Variants in RPS6KA2 observed in about 807,000 individuals in gnomAD.
RPS6KA2 encodes ribosomal protein S6 kinase alpha-2.
In RPS6KA2, 42 loss-of-function variants were observed where a neutral mutation model predicts 91.8. The ratio of observed to expected loss-of-function variants is 0.46; its 90% confidence interval spans 0.36 to 0.59. The LOEUF (loss-of-function observed/expected upper bound fraction) is 0.59. Among genes scored for constraint, RPS6KA2 ranks in the 20% least tolerant of loss-of-function variants. RPS6KA2 has a pLI of 0.00. For missense variants in RPS6KA2, 798 were observed against 978.5 expected (o/e 0.82, Z 2.46); for synonymous variants, 414 against 393.6 (o/e 1.05, Z -0.61).
chr6:166,778,595 G>A (rs369195606), intron 2 of RPS6KA2, among the ~76,000 whole-genome samples: 3 of 152,126 alleles, frequency 2.0e-5, no homozygotes, highest in Admixed American at 1.3e-4. Context: ...GCGAAACCCC[G>A]TCTCTACTAA....
intron 2 of RPS6KA2, among the ~76,000 whole-genome samples, chr6:166,708,674 G>A (rs1789761113): frequency 6.6e-6 from 1 of 152,192 alleles, no homozygotes; most frequent in African/African-American, 2.4e-5. Flanking sequence ...ACCAGGCAGT[G>A]CACACTGCTA....
Position 166,702,425 on chromosome 6 carries a change from GC to G in RPS6KA2, c.123+155774del, listed in dbSNP as rs1583033075. 2.5e-3 allele frequency: 54 copies of G among 21,722 alleles called. No individual in the cohort carries two copies. In the East Asian group the frequency reaches 0.24, roughly 98 times the overall value. 1.3% of individuals were successfully genotyped at this position (21,722 alleles called of 1,614,324 possible). A position where few individuals can be genotyped will look rare whatever the true frequency, so the allele number is the denominator to read the frequency against. On this transcript the variant is annotated intron_variant, in intron 2 of 21. Transcript: ENST00000503859. ...CTGAAATCCATTCAGTTTGTCTAGT[GC>G]TTGTCTAGCGCTTGTCTAGCTTGGT... is the stretch of plus-strand genomic sequence containing the variant.
Position 166,508,330 on chromosome 6 carries a change from T to G in RPS6KA2, c.380-48A>C. 1 of 1,233,266 alleles carries G rather than the reference T, an allele frequency of 8.1e-7. No homozygotes were observed. The highest frequency in any genetic ancestry group is 1.2e-6 in the Non-Finnish European group (1 of 835,298). The allele number at this position is 1,233,266 out of a possible 1,614,324, so 76.4% of individuals were successfully genotyped here. A position where few individuals can be genotyped will look rare whatever the true frequency, so the allele number is the denominator to read the frequency against. On this transcript the variant is annotated intron_variant, in intron 4 of 20. Coordinates refer to ENST00000265678, the MANE Select transcript of RPS6KA2 (RefSeq NM_021135.6). This position sits in a 1 kb window ranked among gnomAD's most constrained non-coding sequence, Gnocchi z 4.3. ...TTTTGACAGCTTGTCGAATGTCCTG[T>G]GGCAACATCGCTCTCTGGCTTCTCC...
At position 166,517,455 on chromosome 6, in the gene RPS6KA2, G is replaced by GTT. The variant is rs71032809; in HGVS notation, c.299-7100_299-7099dup. 1.5e-3 allele frequency among the ~76,000 whole-genome samples: 157 copies of GTT among 104,866 alleles called. 2 individuals carry two copies. The highest frequency in any genetic ancestry group is 1.8e-3 in the African/African-American group (40 of 22,492). 68.8% of individuals were successfully genotyped at this position (104,866 alleles called of 152,430 possible). A position where few individuals can be genotyped will look rare whatever the true frequency, so the allele number is the denominator to read the frequency against. On this transcript the variant is annotated intron_variant, in intron 3 of 20. Transcript: ENST00000265678. ...ACCACTTAAGGCGTTCTTTTGTTTT[G>GTT]TTTTTTTTTTTTTTTTTTTTTTTTT...
intron 2 of RPS6KA2, among the ~76,000 whole-genome samples, chr6:166,824,498 C>A (rs1200843456): frequency 6.6e-6 from 1 of 152,162 alleles, no homozygotes; most frequent in Non-Finnish European, 1.5e-5. Context: ...TTAATCCGAC[C>A]CTAAGTCAAA....
chr6:166,653,758 C>T (rs58833489), intron 2 of RPS6KA2, among the ~76,000 whole-genome samples: 112 of 152,310 alleles, frequency 7.4e-4, no homozygotes, highest in African/African-American at 2.5e-3. Flanking sequence ...TCCCTGGTTA[C>T]AGGACAGAAG....
At chr6:166,438,057 C>T (rs574663421) in intron 14 of RPS6KA2, among the ~76,000 whole-genome samples, 20 of 152,080 alleles carry the variant, frequency 1.3e-4, no homozygotes, top group African/African-American at 1.2e-4. Flanking sequence ...CTTGAGTTGC[C>T]GAAAGGATCA....
At chr6:166,749,835 C>T (rs535063157) in intron 2 of RPS6KA2, among the ~76,000 whole-genome samples, 2 of 149,604 alleles carry the variant, frequency 1.3e-5, no homozygotes, top group African/African-American at 5.0e-5. Context: ...GGAGCTGCAG[C>T]GGGAGCCTGG....
intron 11 of RPS6KA2, among the ~76,000 whole-genome samples, chr6:166,469,316 C>T (rs559550020): frequency 1.3e-3 from 188 of 143,932 alleles, no homozygotes; most frequent in Non-Finnish European, 2.0e-3. Flanking sequence ...TCCAACAACT[C>T]GGCACTGTTG....
intron 1 of RPS6KA2, among the ~76,000 whole-genome samples, chr6:166,552,652 T>C (rs1001490734): frequency 6.6e-6 from 1 of 152,204 alleles, no homozygotes; most frequent in Non-Finnish European, 1.5e-5. Flanking sequence ...ACTTCAGTGA[T>C]GGAGGAGACA....
At chr6:166,803,583 G>A (rs1305615854) in intron 2 of RPS6KA2, among the ~76,000 whole-genome samples, 1 of 152,184 alleles carries the variant, frequency 6.6e-6, no homozygotes, top group East Asian at 1.9e-4. Context: ...TTAAACTACT[G>A]GCCTCTGCCA....
chr6:166,783,075 T>G (rs1218953182), intron 2 of RPS6KA2, among the ~76,000 whole-genome samples: 12 of 146,016 alleles, frequency 8.2e-5, no homozygotes, highest in African/African-American at 2.8e-4. Flanking sequence ...ATTATTATTA[T>G]TATTATTATT....
At position 166,432,465 on chromosome 6, in the gene RPS6KA2, G is replaced by C; in HGVS notation, c.1358C>G (p.Pro453Arg). 6.2e-7 allele frequency: 1 copy of C among 1,613,230 alleles called. No homozygotes were observed. Among genetic ancestry groups the C allele is most frequent in the East Asian group, 2.2e-5 (1 of 44,870 alleles). Residue 453 changes from proline to arginine, a missense_variant, in exon 15 of 21, where the codon CCC becomes CGC. Pro to Arg is a moderately radical substitution (Grantham distance 103, BLOSUM62 -2). Coordinates refer to ENST00000265678, the MANE Select transcript of RPS6KA2 (RefSeq NM_021135.6). ...VKIIDKSKRD[P>R]SEEIEILLRY... ...CAGGAGGATCTCAATCTCTTCCGAG[G>C]GGTCTCTCTTGCTCTTATCAATGAT...
At chr6:166,427,599 C>G (rs979059756) in intron 16 of RPS6KA2, among the ~76,000 whole-genome samples, 5 of 152,224 alleles carry the variant, frequency 3.3e-5, no homozygotes, top group Non-Finnish European at 7.3e-5. Flanking sequence ...GCAACTTCAG[C>G]AAAGTCTCAG....
chr6:166,503,249 T>G (rs571757828), intron 6 of RPS6KA2, among the ~76,000 whole-genome samples: 10 of 152,368 alleles, frequency 6.6e-5, no homozygotes, highest in Non-Finnish European at 1.2e-4. Flanking sequence ...CATGTGTGCC[T>G]GTGGCGTTCC....
intron 2 of RPS6KA2, among the ~76,000 whole-genome samples, chr6:166,774,647 C>G (rs1778566021): frequency 1.3e-5 from 2 of 152,128 alleles, no homozygotes; most frequent in South Asian, 4.1e-4. Flanking sequence ...CCCAATTTCC[C>G]TGTTTGTACA....
intron 2 of RPS6KA2, among the ~76,000 whole-genome samples, chr6:166,696,404 C>T (rs1302747737): frequency 6.6e-6 from 1 of 152,182 alleles, no homozygotes; most frequent in Non-Finnish European, 1.5e-5. Context: ...GACTTACCTT[C>T]TGAGCTTCAG....
At chr6:166,631,624 G>C (rs1191442853), upstream of RPS6KA2, among the ~76,000 whole-genome samples, 3 of 152,236 alleles carry the variant, frequency 2.0e-5, no homozygotes, top group South Asian at 6.2e-4. Context: ...TAACTTTCCT[G>C]GTAACACAGA....
rs1393233075 is a variant in RPS6KA2, at chr6:166,459,334, A to C, written c.1075+115T>G. ...AACAAAAAACCCAAACAGAATGGAC[A>C]GTTATTTTCCATGAAAAGAATTCTG... is the stretch of plus-strand genomic sequence containing the variant. On this transcript the variant is annotated intron_variant, in intron 12 of 20. Transcript: ENST00000265678. The surrounding 1 kb of genome is among the most constrained non-coding windows in gnomAD (Gnocchi z 4.9). 5 of 660,410 alleles carry C rather than the reference A, an allele frequency of 7.6e-6. No homozygotes were observed. In the South Asian group the frequency reaches 9.4e-5, roughly 12 times the overall value. 40.9% of individuals were successfully genotyped at this position (660,410 alleles called of 1,614,324 possible).
Sources: gnomAD v4.1 joint callset for allele counts (sites outside exome capture counted in the v4.1 genomes callset) on GRCh38, gnomAD v4.1.1 for gene constraint, Gnocchi (gnomAD v3.1) non-coding constraint, MANE v1.5 for transcripts, NCBI Gene and HGNC (gene_info 2026-07-23, HGNC 2026-07-21) for gene names.